Variants in FABP12 observed in about 807,000 individuals in gnomAD.
The protein encoded by FABP12 is fatty acid-binding protein 12.
In FABP12, 19 loss-of-function variants were observed where a neutral mutation model predicts 13.7. The ratio of observed to expected loss-of-function variants is 1.39; its 90% CI spans 0.97 to 2.04. The LOEUF (loss-of-function observed/expected upper bound fraction) is 2.04, where lower values mean the gene tolerates loss of function less well. FABP12 is among the 30% of genes most tolerant of loss of function. The pLI is 0.00. For missense variants in FABP12, 182 were observed against 164.2 expected (o/e 1.11, Z -0.59); for synonymous variants, 61 against 57.0 (o/e 1.07, Z -0.32).
intron 1 of FABP12, among the ~76,000 whole-genome samples, chr8:81,543,998 T>G (rs1585842999): frequency 6.6e-6 from 1 of 152,104 alleles, no homozygotes; most frequent in Admixed American, 6.5e-5. Context: ...TAAACAGATA[T>G]AGAGCACAGG....
intron 1 of FABP12, among the ~76,000 whole-genome samples, chr8:81,570,396 A>C (rs906569860): frequency 6.6e-6 from 1 of 152,252 alleles, no homozygotes. Context: ...AGAATGAGGC[A>C]TGCAGACACG....
chr8:81,531,519 C>T (rs968632961), intron 1 of FABP12, 129 bp from the exon 2 acceptor site: 3 of 528,384 alleles, frequency 5.7e-6, no homozygotes, highest in African/African-American at 1.9e-5. Context: ...AATTTAAATA[C>T]ATCAGGATGA....
intron 1 of FABP12, among the ~76,000 whole-genome samples, chr8:81,548,931 A>T (rs1465551304): frequency 6.6e-6 from 1 of 152,172 alleles, no homozygotes; most frequent in Non-Finnish European, 1.5e-5. Context: ...TTTCTGTGAA[A>T]ATACTTTTTG....
chr8:81,536,914 A>G (rs1407363775), upstream of FABP12, among the ~76,000 whole-genome samples: 1 of 152,248 alleles, frequency 6.6e-6, no homozygotes, highest in Non-Finnish European at 1.5e-5. Context: ...TGACTGGCAA[A>G]GCCTGAAATA....
upstream of FABP12, among the ~76,000 whole-genome samples, chr8:81,535,045 T>G (rs374008226): frequency 1.3e-5 from 2 of 152,234 alleles, no homozygotes; most frequent in East Asian, 3.8e-4. Flanking sequence ...AAATGTGGTC[T>G]GACTGAACAC....
At chr8:81,542,616 A>G (rs1809369054) in intron 1 of FABP12, among the ~76,000 whole-genome samples, 1 of 152,210 alleles carries the variant, frequency 6.6e-6, no homozygotes, top group Non-Finnish European at 1.5e-5. Context: ...GGTGAGGGAT[A>G]GGTCATGGAT....
intron 1 of FABP12, among the ~76,000 whole-genome samples, chr8:81,554,399 T>A (rs1490350624): frequency 1.3e-5 from 2 of 152,198 alleles, no homozygotes; most frequent in African/African-American, 4.8e-5. Flanking sequence ...TGTGGGGGAT[T>A]TTCCTAAGGA....
At chr8:81,533,684 C>T (rs1362059026) in intron 1 of FABP12, among the ~76,000 whole-genome samples, 118 bp downstream of exon 1, 1 of 152,180 alleles carries the variant, frequency 6.6e-6, no homozygotes, top group Non-Finnish European at 1.5e-5. Flanking sequence ...GGTTTTTTCT[C>T]CTCCTTTAGC....
intron 1 of FABP12, among the ~76,000 whole-genome samples, chr8:81,588,546 T>G (rs1810276607): frequency 6.6e-6 from 1 of 152,228 alleles, no homozygotes; most frequent in African/African-American, 2.4e-5. Flanking sequence ...ACAGTTTTTT[T>G]GTGAAGTCTT....
At chr8:81,574,784 T>C (rs574481262) in intron 1 of FABP12, among the ~76,000 whole-genome samples, 2 of 152,296 alleles carry the variant, frequency 1.3e-5, no homozygotes, top group African/African-American at 4.8e-5. Context: ...TAGAGTCGTG[T>C]CAGTCGTAAT....
At chr8:81,569,291 T>C (rs2130067591) in intron 1 of FABP12, among the ~76,000 whole-genome samples, 1 of 152,328 alleles carries the variant, frequency 6.6e-6, no homozygotes, top group East Asian at 1.9e-4. Context: ...AATGTTGACT[T>C]AATCAGATAG....
intron 1 of FABP12, among the ~76,000 whole-genome samples, chr8:81,563,679 T>G (rs1000977958): frequency 6.6e-6 from 1 of 152,018 alleles, no homozygotes; most frequent in African/African-American, 2.4e-5. Flanking sequence ...GCAGCAGAAC[T>G]GATAAAGCAA....
intron 1 of FABP12, among the ~76,000 whole-genome samples, chr8:81,574,430 C>T (rs60697580): frequency 0.048 from 7,347 of 151,758 alleles, 223 homozygotes; most frequent in East Asian, 0.16. Flanking sequence ...TTGTTTGTGT[C>T]CTTTCCTGTT....
chr8:81,529,428 T>G lies in FABP12; in HGVS notation c.246+10A>C, dbSNP rs771935654. 4 of 1,613,076 alleles carry G rather than the reference T, an allele frequency of 2.5e-6. No homozygotes were observed. The highest frequency in any genetic ancestry group is 3.4e-6 in the Non-Finnish European group (4 of 1,179,010). ...TTGAAATGTGTCTGAAAGACTGTCG[T>G]AGGCCTCACCTTTGTTTTGTGGCCA... On this transcript the variant is annotated intron_variant, in intron 3 of 4. Coordinates refer to ENST00000360464, the Ensembl canonical transcript of FABP12.
chr8:81,556,665 T>C (rs1441329961), intron 1 of FABP12, among the ~76,000 whole-genome samples: 5 of 149,732 alleles, frequency 3.3e-5, no homozygotes, highest in African/African-American at 1.2e-4. Flanking sequence ...TTTTCTCTTT[T>C]AATACAAAGA....
At chr8:81,571,320 G>A (rs1395309889) in intron 1 of FABP12, among the ~76,000 whole-genome samples, 1 of 152,216 alleles carries the variant, frequency 6.6e-6, no homozygotes, top group Non-Finnish European at 1.5e-5. Context: ...CCCCAACTTG[G>A]GCCTTGAGTA....
At chr8:81,557,075 A>G (rs1018929091) in intron 1 of FABP12, among the ~76,000 whole-genome samples, 1 of 151,806 alleles carries the variant, frequency 6.6e-6, no homozygotes, top group Non-Finnish European at 1.5e-5. Flanking sequence ...GAGTTTCACT[A>G]TGTTGGCCAG....
chr8:81,527,171 T>C (rs781066160), intron 3 of FABP12, 50 bp from the exon 4 acceptor site: 69 of 1,102,082 alleles, frequency 6.3e-5, no homozygotes, highest in Non-Finnish European at 9.2e-5. Flanking sequence ...TATTTCAACA[T>C]TAAAATTTTA....
upstream of FABP12, among the ~76,000 whole-genome samples, chr8:81,534,080 G>A (rs936352309): frequency 2.0e-5 from 3 of 151,932 alleles, no homozygotes; most frequent in Admixed American, 2.0e-4. Flanking sequence ...TTGGTGCTAT[G>A]ATGCTCACCC....
Sources: allele counts gnomAD v4.1 joint callset (sites outside exome capture counted in the v4.1 genomes callset), GRCh38; gene constraint gnomAD v4.1.1; transcripts MANE v1.5; gene names NCBI Gene and HGNC (gene_info 2026-07-23, HGNC 2026-07-21).